The following ITPR2 variants were observed in gnomAD, a reference collection of about 807,000 sequenced individuals.
ITPR2 encodes the protein inositol 1,4,5-trisphosphate receptor type 2, also known as inositol 1,4,5-trisphosphate-gated calcium channel ITPR2.
In ITPR2, 207 loss-of-function variants were observed where a neutral mutation model predicts 317.1. The observed-to-expected ratio is 0.65, with a 90% CI of 0.58 to 0.73. The LOEUF (loss-of-function observed/expected upper bound fraction) is 0.73. Ranked by LOEUF, ITPR2 falls within the 30% of genes least tolerant of loss-of-function variation. The pLI is 0.00. For synonymous variants in ITPR2, 1,156 were observed against 1,149.1 expected (o/e 1.01, Z -0.12); for missense variants, 2,613 against 3,284.0 (o/e 0.80, Z 4.99).
intron 32 of ITPR2, among the ~76,000 whole-genome samples, chr12:26,592,591 G>C (rs1409660282): frequency 6.6e-6 from 1 of 152,154 alleles, no homozygotes; most frequent in African/African-American, 2.4e-5. Flanking sequence ...TAAGCTCATT[G>C]TTAATCAGAT....
intron 26 of ITPR2, among the ~76,000 whole-genome samples, chr12:26,605,126 A>AAAAATATATATATATATATATATAT (rs1555165395): frequency 2.2e-5 from 3 of 136,322 alleles, no homozygotes; most frequent in South Asian, 4.7e-4. Flanking sequence ...AAAAAATAAA[A>AAAAATATATATATATATATATATAT]ATATATATAT....
At chr12:26,645,235 C>A (rs1565661900) in intron 21 of ITPR2, among the ~76,000 whole-genome samples, 2 of 152,320 alleles carry the variant, frequency 1.3e-5, no homozygotes, top group East Asian at 3.9e-4. Context: ...GTGGTCATTG[C>A]TGCTGTTATT....
chr12:26,529,077 T>G (rs1287841305), intron 37 of ITPR2, among the ~76,000 whole-genome samples: 3 of 152,226 alleles, frequency 2.0e-5, no homozygotes, highest in Admixed American at 1.3e-4. Flanking sequence ...GCTAGATAAC[T>G]GCAATCACTT....
chr12:26,418,286 T>C (rs1444509486), intron 50 of ITPR2, among the ~76,000 whole-genome samples: 1 of 152,182 alleles, frequency 6.6e-6, no homozygotes, highest in East Asian at 1.9e-4. Context: ...GACAATGCTC[T>C]CCACTGCATG....
intron 2 of ITPR2, among the ~76,000 whole-genome samples, chr12:26,728,595 T>A (rs1948975500): frequency 6.6e-6 from 1 of 152,142 alleles, no homozygotes; most frequent in African/African-American, 2.4e-5. Context: ...GGCAGTAGGG[T>A]GTGTGCATGC....
intron 18 of ITPR2, among the ~76,000 whole-genome samples, chr12:26,657,055 G>T (rs758734819): frequency 9.2e-5 from 14 of 152,202 alleles, no homozygotes; most frequent in Non-Finnish European, 2.1e-4. Context: ...TGCTATAGCT[G>T]TAGAAACCAG....
chr12:26,653,059 T>C (rs1411956315), intron 21 of ITPR2, among the ~76,000 whole-genome samples: 1 of 152,114 alleles, frequency 6.6e-6, no homozygotes, highest in Non-Finnish European at 1.5e-5. Context: ...ATATCTCAGA[T>C]GAGAAAAGAA....
intron 2 of ITPR2, among the ~76,000 whole-genome samples, chr12:26,736,835 A>C (rs1352124645): frequency 3.8e-4 from 58 of 152,344 alleles, no homozygotes; most frequent in Middle Eastern, 3.4e-3. Flanking sequence ...TATAGATGGC[A>C]CATTTTAAGC....
chr12:26,368,633 T>C (rs1385016107), intron 55 of ITPR2, among the ~76,000 whole-genome samples: 1 of 152,226 alleles, frequency 6.6e-6, no homozygotes, highest in African/African-American at 2.4e-5. Context: ...ATTTTTACTC[T>C]AGCTATCACT....
chr12:26,487,839 T>TG lies in ITPR2; in HGVS notation c.5371-589dup, dbSNP rs1021409954. ...AGTGTTACCATGGTAGCCTCACTCATGGGATCTCACTGATAAACAGGTACC... is the reference window on the plus strand; with the variant it reads ...AGTGTTACCATGGTAGCCTCACTCATGGGGATCTCACTGATAAACAGGTACC... On this transcript the variant is annotated intron_variant, in intron 39 of 56. Coordinates refer to ENST00000381340, the MANE Select transcript of ITPR2 (RefSeq NM_002223.4). 5.6e-4 allele frequency among the ~76,000 whole-genome samples: 86 copies of TG among 152,356 alleles called. 1 individual carries two copies. Among genetic ancestry groups the TG allele is most frequent in the Middle Eastern group, 6.8e-3 (2 of 294 alleles).
intron 55 of ITPR2, among the ~76,000 whole-genome samples, chr12:26,353,786 T>G (rs1007493547): frequency 6.6e-6 from 1 of 152,120 alleles, no homozygotes; most frequent in Non-Finnish European, 1.5e-5. Flanking sequence ...TCACTGTAGA[T>G]GACTTATTAG....
chr12:26,622,246 A>C lies in ITPR2; in HGVS notation c.3282T>G (p.Phe1094Leu), dbSNP rs773652203. 1 of 1,609,390 alleles carries C rather than the reference A, an allele frequency of 6.2e-7. No homozygotes were observed. The highest frequency in any genetic ancestry group is 8.5e-7 in the Non-Finnish European group (1 of 1,178,508). ...GAGGGCTCTTCAATCTTACCTGCTT[A>C]AATGCCTGTAAAACCTCTGCCCTCT... is the stretch of plus-strand genomic sequence containing the variant. ...FSQRAEVLQA[F>L]KQVQLLVSNQ... is the part of the protein sequence containing the mutation. The change falls in exon 25 of 57, where the codon TTT becomes TTG. Residue 1094 changes from phenylalanine (F) to leucine (L), a missense_variant. Physicochemically the swap from Phe to Leu is conservative, Grantham distance 22. This residue lies in a region of ITPR2 where 817 missense variants were observed against 897.6 expected (regional missense o/e 0.91). Coordinates refer to ENST00000381340, the MANE Select transcript of ITPR2 (RefSeq NM_002223.4).
intron 16 of ITPR2, among the ~76,000 whole-genome samples, chr12:26,658,615 C>T (rs1018422669): frequency 2.0e-5 from 3 of 152,202 alleles, no homozygotes; most frequent in Non-Finnish European, 4.4e-5. Flanking sequence ...TGCCAATTGG[C>T]TTGACTTGTC....
chr12:26,539,424 T>C (rs1345688277), intron 37 of ITPR2, among the ~76,000 whole-genome samples: 1 of 152,242 alleles, frequency 6.6e-6, no homozygotes, highest in East Asian at 1.9e-4. Flanking sequence ...AGTTTTTTTT[T>C]TTCCTGGTTC....
Position 26,463,409 on chromosome 12 carries a change from G to A in ITPR2, c.6342+11887C>T, listed in dbSNP as rs565865347. The stretch of plus-strand genomic sequence containing the variant: ...TGGCCGGGCTCGGTGGCTCACGCCT[G>A]TAATCCCAGCACTTTGGGAGGCTGA... On this transcript the variant is annotated intron_variant, in intron 45 of 56. Transcript: ENST00000381340. Among the ~76,000 whole-genome samples, 36 of 152,238 alleles carry A rather than the reference G, an allele frequency of 2.4e-4. No homozygotes were observed. The South Asian group carries it at 7.5e-3, about 32-fold the overall frequency.
Position 26,482,278 on chromosome 12 carries a change from G to A in ITPR2, c.6013-1037C>T, listed in dbSNP as rs565715661. Reference sequence around the variant, plus strand: ...TGCAGATCATCTCCAGAATTTGCCAGCAATCTTTCCTCCCACACATTTTCA... The same window carrying A: ...TGCAGATCATCTCCAGAATTTGCCAACAATCTTTCCTCCCACACATTTTCA... On this transcript the variant is annotated intron_variant, in intron 42 of 56. Coordinates refer to ENST00000381340, the MANE Select transcript of ITPR2 (RefSeq NM_002223.4). 3.2e-4 allele frequency among the ~76,000 whole-genome samples: 48 copies of A among 152,284 alleles called. No homozygotes were observed. In the South Asian group the frequency reaches 5.0e-3, roughly 16 times the overall value.
intron 2 of ITPR2, among the ~76,000 whole-genome samples, chr12:26,746,163 G>A (rs1210279000): frequency 1.3e-5 from 2 of 150,268 alleles, no homozygotes; most frequent in East Asian, 2.0e-4. Context: ...TTCATCCCAA[G>A]TGAGCACAAA....
rs1457469301 is a variant in ITPR2, at chr12:26,361,452, T to G, written c.7858-21124A>C. ...ACCCCACCCCATTGCATCATAATTC[T>G]TTTTTAATTTGCTAAAAAAATGGGT... is the stretch of plus-strand genomic sequence containing the variant. On this transcript the variant is annotated intron_variant, in intron 55 of 56. Transcript: ENST00000381340. 7.9e-5 allele frequency among the ~76,000 whole-genome samples: 12 copies of G among 152,326 alleles called. No homozygotes were observed. The East Asian group carries it at 2.1e-3, about 27-fold the overall frequency.
At chr12:26,747,765 A>T (rs947702509) in intron 2 of ITPR2, among the ~76,000 whole-genome samples, 1 of 152,192 alleles carries the variant, frequency 6.6e-6, no homozygotes, top group Admixed American at 6.5e-5. Flanking sequence ...CCTGTTCAAG[A>T]ATTCTTCCAT....
Sources: allele counts gnomAD v4.1 joint callset (sites outside exome capture counted in the v4.1 genomes callset), GRCh38; gene constraint gnomAD v4.1.1; regional missense constraint gnomAD v4.1.1; transcripts MANE v1.5; gene names NCBI Gene and HGNC (gene_info 2026-07-23, HGNC 2026-07-21).